CRAMP1: variants seen among roughly 807,000 people sequenced by gnomAD.
The protein encoded by CRAMP1 is protein cramped-like.
CRAMP1 carries 50 observed loss-of-function variants against 115.4 expected under a neutral mutation model. That is an observed-to-expected ratio of 0.43 (90% CI 0.35 to 0.55). CRAMP1 has a LOEUF of 0.55. CRAMP1 is among the 20% of genes least tolerant of loss of function. The pLI is 0.01. For missense variants in CRAMP1, 1,679 were observed against 1,721.7 expected, an observed-to-expected ratio of 0.98 and a Z score of 0.44; for synonymous variants, 866 against 745.4, an observed-to-expected ratio of 1.16 and a Z score of -2.64.
intron 10 of CRAMP1, among the ~76,000 whole-genome samples, chr16:1,657,724 T>C (rs1596494823): frequency 6.6e-6 from 1 of 152,010 alleles, no homozygotes; most frequent in Non-Finnish European, 1.5e-5. Flanking sequence ...ACAGATGGGG[T>C]GCAGAAGGCA....
At chr16:1,659,550 G>C (rs553432662) in intron 10 of CRAMP1, among the ~76,000 whole-genome samples, 4 of 152,146 alleles carry the variant, frequency 2.6e-5, no homozygotes, top group Admixed American at 2.0e-4. Flanking sequence ...ACCACACCCG[G>C]CTAATTTTTT....
rs1220919211 is a variant in CRAMP1, at chr16:1,618,209, G to T, written c.346+3224G>T. Among the ~76,000 whole-genome samples, 4 of 152,210 alleles carry T rather than the reference G, an allele frequency of 2.6e-5. No individual in the cohort carries two copies. In the East Asian group the frequency reaches 5.8e-4, roughly 22 times the overall value. On this transcript the variant is annotated intron_variant, in intron 2 of 20. Coordinates refer to ENST00000397412, the MANE Select transcript of CRAMP1 (RefSeq NM_020825.4). ...CTGCCTCAGAATCGCTTGAACCCGGGAGGCGGAGGTTGCAGTGAGCCAAGA... is the reference window on the plus strand; with the variant it reads ...CTGCCTCAGAATCGCTTGAACCCGGTAGGCGGAGGTTGCAGTGAGCCAAGA...
chr16:1,655,429 G>A (rs1336173911), intron 9 of CRAMP1, 129 bp downstream of exon 9: 2 of 771,364 alleles, frequency 2.6e-6, no homozygotes, highest in East Asian at 2.6e-5. Context: ...GTGACATGGT[G>A]TACATCTGGA....
At position 1,655,867 on chromosome 16, in the gene CRAMP1, G is replaced by C; in HGVS notation, c.1120-10G>C. The C allele has an allele frequency of 6.3e-7, 1 of 1,598,596 alleles. No homozygotes were observed. Among genetic ancestry groups the C allele is most frequent in the Non-Finnish European group, 8.5e-7 (1 of 1,170,088 alleles). On this transcript the variant is annotated splice_polypyrimidine_tract_variant and intron_variant, in intron 9 of 20. Transcript: ENST00000397412. ...CTAGCCAGTGTGGGCCTTCCTTGAC[G>C]GGCACTCAGCGGAAGACACTCGAGG...
intron 2 of CRAMP1, among the ~76,000 whole-genome samples, chr16:1,615,856 C>T (rs1212984391): frequency 1.3e-5 from 2 of 151,968 alleles, no homozygotes; most frequent in Non-Finnish European, 2.9e-5. Context: ...CAGTGAGTTT[C>T]ACGTGAAAAA....
rs80154657 is a variant in CRAMP1 at position 1,656,479 on chromosome 16, C to T, written c.1722C>T (p.Pro574=). The change falls in exon 10 of 21, where the codon CCC becomes CCT. Residue 574 remains proline (P), a synonymous_variant. Coordinates refer to ENST00000397412, the MANE Select transcript of CRAMP1 (RefSeq NM_020825.4). This position sits in a 1 kb window ranked among gnomAD's most constrained non-coding sequence, Gnocchi z 5.6. ...AGTCCTGTCAGGACCTCATTGTCCCCGAGCAGTGCCGCTGTGCGGACACAC... is the reference window on the plus strand; with the variant it reads ...AGTCCTGTCAGGACCTCATTGTCCCTGAGCAGTGCCGCTGTGCGGACACAC... ...YLKSCQDLIV[P]EQCRCADTRP... 13 of 1,577,978 alleles carry T rather than the reference C, an allele frequency of 8.2e-6. No individual in the cohort carries two copies. Among genetic ancestry groups the T allele is most frequent in the East Asian group, 4.7e-5 (2 of 42,544 alleles).
At chr16:1,667,692 C>A (rs1404613207) in intron 17 of CRAMP1, among the ~76,000 whole-genome samples, 1 of 152,212 alleles carries the variant, frequency 6.6e-6, no homozygotes, top group Non-Finnish European at 1.5e-5. Context: ...AGGCTGTCAG[C>A]TAGTAACTCC....
intron 2 of CRAMP1, among the ~76,000 whole-genome samples, chr16:1,615,760 C>T (rs754394010): frequency 6.6e-6 from 1 of 152,198 alleles, no homozygotes; most frequent in African/African-American, 2.4e-5. Flanking sequence ...TGTGCTTTTC[C>T]TTACGCAGGT....
chr16:1,668,583 C>T (rs1006004601), intron 18 of CRAMP1, among the ~76,000 whole-genome samples: 2 of 152,218 alleles, frequency 1.3e-5, no homozygotes, highest in African/African-American at 4.8e-5. Flanking sequence ...TGGGACAAAG[C>T]TCCTGGGGGC....
intron 13 of CRAMP1, among the ~76,000 whole-genome samples, chr16:1,664,162 G>A (rs1212046093): frequency 1.3e-5 from 2 of 152,218 alleles, no homozygotes; most frequent in African/African-American, 2.4e-5. Context: ...ACACTTGTAG[G>A]TCGAGAGACA....
At chr16:1,659,351 T>TA (rs1398737081) in intron 10 of CRAMP1, among the ~76,000 whole-genome samples, 1 of 152,162 alleles carries the variant, frequency 6.6e-6, no homozygotes, top group Non-Finnish European at 1.5e-5. Flanking sequence ...TTTCATTACT[T>TA]ACCTGACCAG....
intron 2 of CRAMP1, among the ~76,000 whole-genome samples, chr16:1,615,521 T>C (rs928588234): frequency 3.9e-5 from 6 of 152,116 alleles, no homozygotes; most frequent in African/African-American, 1.4e-4. Flanking sequence ...ATGGGGCCCT[T>C]TGAGTTGCAA....
At chr16:1,627,354 T>C (rs961822620) in intron 3 of CRAMP1, among the ~76,000 whole-genome samples, 13 of 152,182 alleles carry the variant, frequency 8.5e-5, no homozygotes, top group African/African-American at 2.9e-4. Context: ...CCGTGTTGCC[T>C]GGGCTGGTCT....
Position 1,656,257 on chromosome 16 carries a change from C to T in CRAMP1, c.1500C>T (p.Ala500=). ...AAAGCGCCCCCGGGGAGGGGGCTGC[C>T]CTAAGCTTGAGCAGCCCGGACGCTC... ...SPESAPGEGA[A]LSLSSPDAPD... The change falls in exon 10 of 21, where the codon GCC becomes GCT. Residue 500 remains alanine (A), a synonymous_variant. Coordinates refer to ENST00000397412, the MANE Select transcript of CRAMP1 (RefSeq NM_020825.4). This position sits in a 1 kb window ranked among gnomAD's most constrained non-coding sequence, Gnocchi z 5.6. The T allele has an allele frequency of 1.9e-6, 3 of 1,611,106 alleles. No homozygotes were observed. The highest frequency in any genetic ancestry group is 2.5e-6 in the Non-Finnish European group (3 of 1,179,694).
At chr16:1,618,199 T>A (rs1261508425) in intron 2 of CRAMP1, among the ~76,000 whole-genome samples, 3 of 152,168 alleles carry the variant, frequency 2.0e-5, no homozygotes, top group Non-Finnish European at 4.4e-5. Context: ...TCAGAATCGC[T>A]TGAACCCGGG....
At chr16:1,657,974 G>T (rs1394537332) in intron 10 of CRAMP1, among the ~76,000 whole-genome samples, 1 of 152,130 alleles carries the variant, frequency 6.6e-6, no homozygotes, top group African/African-American at 2.4e-5. Context: ...GTGCTGGGGG[G>T]ACTCGGGACT....
In CRAMP1 at chr16:1,666,153, C is replaced by T; in HGVS notation, c.2833C>T (p.Pro945Ser). 6.2e-7 allele frequency: 1 copy of T among 1,608,702 alleles called. No homozygotes were observed. The highest frequency in any genetic ancestry group is 8.5e-7 in the Non-Finnish European group (1 of 1,177,570). The part of the protein sequence containing the change: ...SRPIVPKVLP[P>S]QATSHLASAI... ...GCCGATCGTGCCCAAGGTCCTTCCA[C>T]CCCAGGCCACGAGTCACCTGGCCAG... The change falls in exon 15 of 21, where the codon CCC becomes TCC. Residue 945 changes from proline (P) to serine (S), a missense_variant. Physicochemically the swap from Pro to Ser is moderately conservative, Grantham distance 74 (BLOSUM62 -1). This residue lies in a region of CRAMP1 where 709 missense variants were observed against 741.9 expected (regional missense o/e 0.96). Transcript: ENST00000397412. This position sits in a 1 kb window ranked among gnomAD's most constrained non-coding sequence, Gnocchi z 5.0.
Position 1,669,022 on chromosome 16 carries a change from C to T in CRAMP1, c.3356C>T (p.Pro1119Leu). The change falls in exon 19 of 21, where the codon CCA becomes CTA. Residue 1119 changes from proline (P) to leucine (L), a missense_variant. Coordinates refer to ENST00000397412, the MANE Select transcript of CRAMP1 (RefSeq NM_020825.4). The surrounding 1 kb of genome is among the most constrained non-coding windows in gnomAD (Gnocchi z 4.6). ...GCAGGTGAAGGAGTCCCTCTTTCTC[C>T]AGCAAAACTGAATGGCAGTGACAGT... ...GQYGEGVPLS[P>L]AKLNGSDSSK... 1.2e-6 allele frequency: 2 copies of T among 1,613,228 alleles called. No individual in the cohort carries two copies. The highest frequency in any genetic ancestry group is 1.7e-6 in the Non-Finnish European group (2 of 1,179,560).
rs1253749945 is a variant in CRAMP1 at position 1,614,002 on chromosome 16, G to A, written c.-1-637G>A. 1.3e-5 allele frequency among the ~76,000 whole-genome samples: 2 copies of A among 151,802 alleles called. No individual in the cohort carries two copies. The highest frequency in any genetic ancestry group is 2.9e-5 in the Non-Finnish European group (2 of 67,894). ...GTTCCCCGTGCGGGCAGGCGAGCCC[G>A]CGCTTCTCCCGTCCCGGGGTGGATC... On this transcript the variant is annotated intron_variant, in intron 1 of 20. Transcript: ENST00000397412. The surrounding 1 kb of genome is among the most constrained non-coding windows in gnomAD (Gnocchi z 4.4).
Sources: allele counts gnomAD v4.1 joint callset (sites outside exome capture counted in the v4.1 genomes callset), GRCh38; gene constraint gnomAD v4.1.1; regional missense constraint gnomAD v4.1.1; non-coding constraint Gnocchi (gnomAD v3.1); transcripts MANE v1.5; gene names NCBI Gene and HGNC (gene_info 2026-07-23, HGNC 2026-07-21).